ZNF550: variants seen among roughly 807,000 people sequenced by gnomAD.
ZNF550 encodes zinc finger protein 550.
In ZNF550, 42 loss-of-function variants were observed where a neutral mutation model predicts 40.2. The ratio of observed to expected loss-of-function variants is 1.05; its 90% confidence interval spans 0.82 to 1.35. The LOEUF is 1.35. Among genes scored for constraint, ZNF550 ranks in the 40% most tolerant of loss-of-function variants. The probability of loss-of-function intolerance (pLI) is 0.00; values close to 1 mark genes in which losing one functional copy is unlikely to be tolerated. For missense variants in ZNF550, 549 were observed against 525.2 expected (o/e 1.05, Z -0.44); for synonymous variants, 223 against 198.6 (o/e 1.12, Z -1.03).
chr19:57,547,436 G>A (rs914055857), exon 4 of ZNF550: 15 of 1,613,798 alleles, frequency 9.3e-6, no homozygotes, highest in South Asian at 7.7e-5. Flanking sequence ...TACGACCTGC[G>A]TTTGAAGGCC....
chr19:57,545,789 GA>G (rs2123336310), intron 4 of ZNF550, among the ~76,000 whole-genome samples: 1 of 152,252 alleles, frequency 6.6e-6, no homozygotes, highest in South Asian at 2.1e-4. Context: ...AAGGCAGGTG[GA>G]CCACTTGAAG....
At chr19:57,556,927 G>T (rs550642289) in intron 1 of ZNF550, 1 of 153,146 alleles carries the variant, frequency 6.5e-6, no homozygotes, top group East Asian at 1.9e-4. Context: ...TGGTAAACAT[G>T]TGTTTGCAGG....
At position 57,547,305 on chromosome 19, in the gene ZNF550, C is replaced by CT; in HGVS notation, c.938dup (p.Pro314AlafsTer3). 6.2e-7 allele frequency: 1 copy of CT among 1,613,732 alleles called. No individual in the cohort carries two copies. The highest frequency in any genetic ancestry group is 1.1e-5 in the South Asian group (1 of 91,038). ...TCTCACATTCTTTGCACTCAAAGGG[C>CT]TTTTCTCCAGTGTGGGTCCTATTAT... On this transcript the variant is annotated frameshift_variant, in exon 4 of 5. Coordinates refer to ENST00000457177, the Ensembl canonical transcript of ZNF550. LOFTEE classifies it high-confidence loss of function.
chr19:57,555,859 G>A (rs2090115858), intron 2 of ZNF550: 1 of 276,550 alleles, frequency 3.6e-6, no homozygotes, highest in Non-Finnish European at 7.1e-6. Context: ...GAAGATATCC[G>A]AGGGGCACTG....
chr19:57,558,295 G>T lies in ZNF550; in HGVS notation c.27+1361C>A, dbSNP rs544793716. ...ATGGGAAAGAGCTTGGCAAGCTCAGGATTCCCTGGATGAATGCAGTGAGAA... is the reference window on the plus strand; with the variant it reads ...ATGGGAAAGAGCTTGGCAAGCTCAGTATTCCCTGGATGAATGCAGTGAGAA... On this transcript the variant is annotated intron_variant, in intron 1 of 4. Transcript: ENST00000457177. Among the ~76,000 whole-genome samples, 11 of 152,328 alleles carry T rather than the reference G, an allele frequency of 7.2e-5. No individual in the cohort carries two copies. The East Asian group carries it at 1.2e-3, about 16-fold the overall frequency.
At chr19:57,546,591 C>T in exon 4 of ZNF550, 1 of 1,005,682 alleles carries the variant, frequency 9.9e-7, no homozygotes, top group South Asian at 4.3e-5. Flanking sequence ...TATGTAGTAA[C>T]TTTTCATTAT....
chr19:57,552,607 A>G lies in ZNF550; in HGVS notation c.250+20T>C, dbSNP rs765776263. On this transcript the variant is annotated intron_variant, in intron 3 of 4. Transcript: ENST00000457177. ...CTGAAGACTGCCATGACTCCACATG[A>G]CCAGCTGGTGGCTGCTTACCTGCAC... The G allele has an allele frequency of 7.0e-6, 11 of 1,575,622 alleles. No individual in the cohort carries two copies. In the African/African-American group the frequency reaches 1.5e-4, roughly 21 times the overall value.
chr19:57,559,892 C>T (rs150900948), upstream of ZNF550: 1 of 437,852 alleles, frequency 2.3e-6, no homozygotes, highest in East Asian at 3.4e-5. Flanking sequence ...CCTGCCACGC[C>T]TTTTCCTGCG....
intron 1 of ZNF550, 155 bp from the exon 2 acceptor site, chr19:57,556,512 C>A: frequency 1.2e-6 from 1 of 861,854 alleles, no homozygotes; most frequent in Non-Finnish European, 1.8e-6. Flanking sequence ...AAAGGGGAGG[C>A]AGATACTGCC....
intron 4 of ZNF550, among the ~76,000 whole-genome samples, chr19:57,545,215 G>T (rs114970440): frequency 6.6e-6 from 1 of 152,188 alleles, no homozygotes; most frequent in Non-Finnish European, 1.5e-5. Context: ...ACCTGCCCAC[G>T]TATATCCTGA....
At chr19:57,545,524 C>T (rs1242470894) in intron 4 of ZNF550, among the ~76,000 whole-genome samples, 4 of 152,042 alleles carry the variant, frequency 2.6e-5, no homozygotes, top group African/African-American at 7.2e-5. Flanking sequence ...ACTATGTTGC[C>T]AGAGAAAATA....
exon 5 of ZNF550, chr19:57,542,572 T>C (rs1242707139): frequency 5.3e-5 from 8 of 151,874 alleles, no homozygotes; most frequent in African/African-American, 1.7e-4. Context: ...GATAGAAATA[T>C]AATATTTTGC....
At chr19:57,544,887 TGAG>T (rs1362318840) in intron 4 of ZNF550, among the ~76,000 whole-genome samples, 5 of 152,146 alleles carry the variant, frequency 3.3e-5, no homozygotes, top group African/African-American at 1.2e-4. Context: ...TTTGGCAGGC[TGAG>T]GTGGGTGGAT....
chr19:57,543,805 G>A (rs2089983287), intron 4 of ZNF550: 3 of 391,134 alleles, frequency 7.7e-6, no homozygotes, highest in Non-Finnish European at 1.0e-5. Flanking sequence ...GGGCATGGTG[G>A]TGGGCGCCTG....
intron 4 of ZNF550, among the ~76,000 whole-genome samples, chr19:57,545,928 A>AT (rs771602458): frequency 3.3e-5 from 5 of 152,170 alleles, no homozygotes; most frequent in African/African-American, 1.2e-4. Flanking sequence ...CAAGAGGACC[A>AT]TTTGAGCCCA....
chr19:57,556,714 G>A (rs2123369628), intron 1 of ZNF550: 1 of 211,326 alleles, frequency 4.7e-6, no homozygotes, highest in Non-Finnish European at 9.6e-6. Context: ...TAAGTGTGGG[G>A]GAAAGAAAAA....
At chr19:57,546,264 C>G (rs140437914) in intron 4 of ZNF550, among the ~76,000 whole-genome samples, 80 of 152,014 alleles carry the variant, frequency 5.3e-4, no homozygotes, top group African/African-American at 1.9e-3. Flanking sequence ...CCAGAGATGT[C>G]TGGATCAAAG....
chr19:57,547,595 A>G, exon 4 of ZNF550: 1 of 1,614,186 alleles, frequency 6.2e-7, no homozygotes, highest in Non-Finnish European at 8.5e-7. Context: ...CGAACGAGAT[A>G]CCACTTCCTG....
intron 3 of ZNF550, chr19:57,552,400 G>A: frequency 4.0e-6 from 2 of 498,434 alleles, no homozygotes; most frequent in Non-Finnish European, 7.1e-6. Context: ...TTGAGCCAGA[G>A]CAACCATAAA....
Sources: allele counts gnomAD v4.1 joint callset (sites outside exome capture counted in the v4.1 genomes callset), GRCh38; gene constraint gnomAD v4.1.1; transcripts MANE v1.5; gene names NCBI Gene and HGNC (gene_info 2026-07-23, HGNC 2026-07-21).